Variants in FILIP1 observed in about 807,000 individuals in gnomAD.
The protein encoded by FILIP1 is filamin-A-interacting protein 1.
A neutral mutation model predicts 102.1 loss-of-function variants in FILIP1; 61 were observed. The observed-to-expected ratio is 0.60, with a 90% CI of 0.49 to 0.74. The LOEUF is 0.74. Among genes scored for constraint, FILIP1 ranks in the 30% least tolerant of loss-of-function variants. The pLI, the probability that FILIP1 is intolerant of heterozygous loss-of-function variation, is 0.00. For synonymous variants in FILIP1, 491 were observed against 526.9 expected (o/e 0.93, Z 0.93); for missense variants, 1,314 against 1,441.2 (o/e 0.91, Z 1.43).
chr6:75,313,216 C>T lies in FILIP1; in HGVS notation c.2616G>A (p.Trp872Ter). ...ELTMRKSWIPWMRKRENGPSI... is the reference protein window; with the variant it reads ...ELTMRKSWIP ...AGGGGCCGTTTTCCCTCTTTCTCAT[C>T]CATGGAATCCAAGACTTTCTCATAG... is the stretch of plus-strand genomic sequence containing the variant. Residue 872 changes from tryptophan to a stop codon, truncating the protein, a stop_gained, in exon 5 of 6, where the codon TGG (tryptophan) becomes TGA (stop). Coordinates refer to ENST00000237172, the MANE Select transcript of FILIP1 (RefSeq NM_015687.5). LOFTEE classifies it high-confidence loss of function. This position sits in a 1 kb window ranked among gnomAD's most constrained non-coding sequence, Gnocchi z 4.2. 6.2e-7 allele frequency: 1 copy of T among 1,614,120 alleles called. No individual in the cohort carries two copies. The highest frequency in any genetic ancestry group is 8.5e-7 in the Non-Finnish European group (1 of 1,180,028).
chr6:75,419,593 G>A (rs1429583112), intron 1 of FILIP1, among the ~76,000 whole-genome samples: 1 of 152,116 alleles, frequency 6.6e-6, no homozygotes, highest in African/African-American at 2.4e-5. Flanking sequence ...TGCTGCAAGT[G>A]GAGCTTCCAG....
intron 1 of FILIP1, among the ~76,000 whole-genome samples, chr6:75,427,299 T>G (rs1346846593): frequency 6.6e-6 from 1 of 152,146 alleles, no homozygotes; most frequent in Non-Finnish European, 1.5e-5. Context: ...AAAAAATCAA[T>G]CATTAGCCTT....
At chr6:75,397,355 T>C (rs1776497551) in intron 2 of FILIP1, among the ~76,000 whole-genome samples, 1 of 151,660 alleles carries the variant, frequency 6.6e-6, no homozygotes, top group Non-Finnish European at 1.5e-5. Flanking sequence ...CACATGCTTA[T>C]CCTTTCTAAA....
At chr6:75,316,653 T>C (rs922405608) in intron 4 of FILIP1, among the ~76,000 whole-genome samples, 4 of 152,184 alleles carry the variant, frequency 2.6e-5, no homozygotes, top group African/African-American at 9.6e-5. Flanking sequence ...TCATAGAATT[T>C]ACTTTTATAA....
At chr6:75,470,605 T>C (rs1253643022) in intron 1 of FILIP1, among the ~76,000 whole-genome samples, 2 of 152,164 alleles carry the variant, frequency 1.3e-5, no homozygotes, top group African/African-American at 4.8e-5. Context: ...AGAACACATA[T>C]GTTGATGAAA....
intron 2 of FILIP1, chr6:75,367,614 C>G (rs970756844): frequency 6.6e-6 from 1 of 152,114 alleles, no homozygotes; most frequent in Non-Finnish European, 1.5e-5. Context: ...CAACTGCACT[C>G]CAGCCTCGGC....
rs568249792 is a variant in FILIP1 at position 75,296,019 on chromosome 6, C to A, written c.3494-69G>T. 77 of 1,089,742 alleles carry A rather than the reference C, an allele frequency of 7.1e-5. 1 individual carries two copies. The East Asian group carries it at 2.3e-3, about 32-fold the overall frequency. The allele number at this position is 1,089,742 out of a possible 1,614,324, so 67.5% of individuals were successfully genotyped here. ...CTGAGAATCAAGCTACATCATTTCACTAAAAGATCATAGATGTTAAATAAC... is the reference window on the plus strand; with the variant it reads ...CTGAGAATCAAGCTACATCATTTCAATAAAAGATCATAGATGTTAAATAAC... On this transcript the variant is annotated intron_variant, in intron 6 of 6. Transcript: ENST00000393004.
chr6:75,300,231 A>G (rs977042996), intron 6 of FILIP1, among the ~76,000 whole-genome samples: 2 of 152,242 alleles, frequency 1.3e-5, no homozygotes, highest in Non-Finnish European at 2.9e-5. Context: ...ACTTATAACA[A>G]GACGTTACAT....
intron 2 of FILIP1, among the ~76,000 whole-genome samples, chr6:75,404,572 T>C (rs1368752004): frequency 6.6e-6 from 1 of 152,186 alleles, no homozygotes; most frequent in African/African-American, 2.4e-5. Flanking sequence ...GTGTTTGTAT[T>C]TGTACATAAT....
chr6:75,474,716 G>A (rs1779424076), intron 1 of FILIP1, among the ~76,000 whole-genome samples: 2 of 152,122 alleles, frequency 1.3e-5, no homozygotes, highest in Admixed American at 6.6e-5. Flanking sequence ...CAAAAGTTTT[G>A]ATATGGTCTG....
chr6:75,458,104 G>A (rs991233145), intron 1 of FILIP1: 8 of 152,038 alleles, frequency 5.3e-5, no homozygotes, highest in Non-Finnish European at 1.0e-4. Flanking sequence ...ACAATAAAAC[G>A]ATTCATTCTT....
intron 1 of FILIP1, among the ~76,000 whole-genome samples, chr6:75,442,606 C>T (rs1778303931): frequency 4.6e-5 from 7 of 151,706 alleles, no homozygotes; most frequent in African/African-American, 2.4e-5. Flanking sequence ...ATACGAAAAC[C>T]AGTCAGGTGT....
rs1562429119 is a variant in FILIP1 at position 75,308,870 on chromosome 6, GCCGCTGGGATGAC to G, written c.3450_3462del (p.Ser1151LeufsTer12). Reference sequence around the variant, plus strand: ...GACATAGGAATGCGGGTGGGTGTAGGCCGCTGGGATGACCCGTCTTGTCCTGACTGTAAGAGAG... The same window carrying G: ...GACATAGGAATGCGGGTGGGTGTAGGCCGTCTTGTCCTGACTGTAAGAGAG... On this transcript the variant is annotated frameshift_variant, in exon 6 of 6. Transcript: ENST00000237172. LOFTEE classifies it high-confidence loss of function. 1.2e-6 allele frequency: 2 copies of G among 1,614,088 alleles called. No homozygotes were observed. Among genetic ancestry groups the G allele is most frequent in the Admixed American group, 3.3e-5 (2 of 60,016 alleles).
chr6:75,301,471 G>A (rs377224214), intron 6 of FILIP1, among the ~76,000 whole-genome samples: 36 of 152,206 alleles, frequency 2.4e-4, no homozygotes, highest in African/African-American at 7.9e-4. Context: ...GTTTGTTGCT[G>A]TTTGTCTTCT....
At chr6:75,416,586 CAA>C (rs35413915) in intron 1 of FILIP1, among the ~76,000 whole-genome samples, 243 of 130,548 alleles carry the variant, frequency 1.9e-3, no homozygotes, top group Middle Eastern at 8.1e-3. Flanking sequence ...AGCCCCAATC[CAA>C]AAAAAAAAAA....
chr6:75,365,066 G>A (rs1297971097), intron 2 of FILIP1, among the ~76,000 whole-genome samples: 1 of 152,130 alleles, frequency 6.6e-6, no homozygotes, highest in Non-Finnish European at 1.5e-5. Context: ...GGAAGTTCTT[G>A]ATAACAAACT....
intron 4 of FILIP1, among the ~76,000 whole-genome samples, chr6:75,332,149 C>T (rs1399344708): frequency 6.6e-6 from 1 of 152,116 alleles, no homozygotes; most frequent in Non-Finnish European, 1.5e-5. Flanking sequence ...CCTGAATGAA[C>T]CAAGACAGCA....
At chr6:75,353,887 T>A (rs1774897841) in intron 3 of FILIP1, among the ~76,000 whole-genome samples, 170 bp from the exon 4 acceptor site, 1 of 152,234 alleles carries the variant, frequency 6.6e-6, no homozygotes, top group Non-Finnish European at 1.5e-5. Context: ...TGATTGGCTG[T>A]GTAAACCAAC....
At chr6:75,468,792 T>C (rs1201151684) in intron 1 of FILIP1, among the ~76,000 whole-genome samples, 1 of 152,078 alleles carries the variant, frequency 6.6e-6, no homozygotes, top group Non-Finnish European at 1.5e-5. Flanking sequence ...AGATATTATA[T>C]TAATATTTCC....
Sources: allele counts gnomAD v4.1 joint callset (sites outside exome capture counted in the v4.1 genomes callset), GRCh38; gene constraint gnomAD v4.1.1; non-coding constraint Gnocchi (gnomAD v3.1); transcripts MANE v1.5; gene names NCBI Gene and HGNC (gene_info 2026-07-23, HGNC 2026-07-21).